The following MAP2K6 variants were observed in gnomAD, a reference collection of about 807,000 sequenced individuals.
MAP2K6 encodes the protein dual specificity mitogen-activated protein kinase kinase 6.
In MAP2K6, 16 loss-of-function variants were observed where a neutral mutation model predicts 53.7. That is an observed-to-expected ratio of 0.30 (90% CI 0.20 to 0.45). The LOEUF (loss-of-function observed/expected upper bound fraction) is 0.45. MAP2K6 is among the 20% of genes least tolerant of loss of function. The pLI, the probability that MAP2K6 is intolerant of heterozygous loss-of-function variation, is 1.00. For synonymous variants in MAP2K6, 132 were observed against 143.1 expected, an observed-to-expected ratio of 0.92 and a Z score of 0.55; for missense variants, 204 against 411.9, an observed-to-expected ratio of 0.50 and a Z score of 4.37.
At position 69,545,317 on chromosome 17, in the gene MAP2K6, G is replaced by A. The variant is rs1198680720; in HGVS notation, c.*3564G>A. The A allele has an allele frequency of 6.6e-6, 1 of 152,202 alleles. No individual in the cohort carries two copies. The highest frequency in any genetic ancestry group is 1.5e-5 in the Non-Finnish European group (1 of 68,048). The allele number at this position is 152,202 out of a possible 1,614,324, so 9.4% of individuals were successfully genotyped here. On this transcript the variant is annotated 3_prime_UTR_variant, in exon 12 of 12. Transcript: ENST00000590474. ...TCAGGTCATCACGGATTTTGCAAGT[G>A]AAAGTCACCTATCTTCTATGATTGA...
chr17:69,472,379 T>C (rs1598278583), intron 1 of MAP2K6, among the ~76,000 whole-genome samples: 1 of 152,336 alleles, frequency 6.6e-6, no homozygotes, highest in East Asian at 1.9e-4. Context: ...TCATTCAACA[T>C]TGTTTTATTA....
rs947071018 is a variant in MAP2K6, at chr17:69,545,687, T to C, written c.*3934T>C. ...TCCCAACAGCTTAATAATAGCAGTTTGCACAGTGTCCTGCATATATCACTA... is the reference window on the plus strand; with the variant it reads ...TCCCAACAGCTTAATAATAGCAGTTCGCACAGTGTCCTGCATATATCACTA... On this transcript the variant is annotated 3_prime_UTR_variant, in exon 12 of 12. Transcript: ENST00000590474. The C allele has an allele frequency of 1.3e-5, 2 of 152,190 alleles. No individual in the cohort carries two copies. The highest frequency in any genetic ancestry group is 4.8e-5 in the African/African-American group (2 of 41,440). 9.4% of individuals were successfully genotyped at this position (152,190 alleles called of 1,614,324 possible).
intron 9 of MAP2K6, among the ~76,000 whole-genome samples, chr17:69,526,208 T>G (rs1282423249): frequency 6.6e-6 from 1 of 152,228 alleles, no homozygotes; most frequent in Non-Finnish European, 1.5e-5. Flanking sequence ...TGGAAAGATC[T>G]TAGGCTGGGA....
intron 1 of MAP2K6, among the ~76,000 whole-genome samples, chr17:69,428,672 T>C (rs1191241145): frequency 2.0e-5 from 3 of 151,804 alleles, no homozygotes; most frequent in Non-Finnish European, 4.4e-5. Flanking sequence ...AAGATACGAG[T>C]AGGATACCAA....
intron 1 of MAP2K6, among the ~76,000 whole-genome samples, chr17:69,437,897 A>T (rs1020295743): frequency 1.3e-5 from 2 of 152,266 alleles, no homozygotes; most frequent in Admixed American, 1.3e-4. Flanking sequence ...TCCATGTTGT[A>T]GCATGTATCA....
chr17:69,465,645 G>A (rs1907772281), intron 1 of MAP2K6, among the ~76,000 whole-genome samples: 1 of 146,082 alleles, frequency 6.8e-6, no homozygotes, highest in Admixed American at 6.9e-5. Context: ...TTGAAACAAA[G>A]TTTCGCTCTT....
chr17:69,541,716 A>G lies in MAP2K6; in HGVS notation c.968A>G (p.Asp323Gly). 6.2e-7 allele frequency: 1 copy of G among 1,612,852 alleles called. No homozygotes were observed. The highest frequency in any genetic ancestry group is 1.7e-5 in the Admixed American group (1 of 59,982). ...ACCCTACATGAATCCAAAGGAACAG[A>G]TGTGGCATCTTTTGTAAAACTGATT... ...FFTLHESKGT[D>G]VASFVKLILG... Residue 323 changes from aspartate (D) to glycine (G), a missense_variant, in exon 12 of 12, where the codon GAT becomes GGT. By Grantham distance (94) the Asp-to-Gly change is moderately conservative. This residue lies in a region of MAP2K6 where 47 missense variants were observed against 62.3 expected (regional missense o/e 0.75). Transcript: ENST00000590474.
In MAP2K6 at chr17:69,549,425, T is replaced by G. The variant is rs1912005751; in HGVS notation, c.*7672T>G. The G allele has an allele frequency of 6.6e-6, 1 of 152,206 alleles. No individual in the cohort carries two copies. Among genetic ancestry groups the G allele is most frequent in the South Asian group, 2.1e-4 (1 of 4,834 alleles). 9.4% of individuals were successfully genotyped at this position (152,206 alleles called of 1,614,324 possible). On this transcript the variant is annotated 3_prime_UTR_variant, in exon 12 of 12. Coordinates refer to ENST00000590474, the MANE Select transcript of MAP2K6 (RefSeq NM_002758.4). ...TGGAGTTTGTAGCTTAGACCAGGCC[T>G]TCAAAAGTCTTTTCTGTTTTCCTTT...
At chr17:69,512,795 A>G (rs1195011029) in intron 2 of MAP2K6, among the ~76,000 whole-genome samples, 1 of 152,168 alleles carries the variant, frequency 6.6e-6, no homozygotes, top group Admixed American at 6.5e-5. Flanking sequence ...TTTTATGTAA[A>G]TGGTCTCACG....
chr17:69,419,110 A>C (rs563261934), intron 1 of MAP2K6, among the ~76,000 whole-genome samples: 1 of 152,316 alleles, frequency 6.6e-6, no homozygotes, highest in Non-Finnish European at 1.5e-5. Flanking sequence ...AGTACACATA[A>C]GGTTACCTAT....
intron 1 of MAP2K6, among the ~76,000 whole-genome samples, chr17:69,478,223 C>A (rs1435784275): frequency 6.6e-6 from 1 of 152,176 alleles, no homozygotes; most frequent in Non-Finnish European, 1.5e-5. Flanking sequence ...GACAACTTCT[C>A]CAAAGACTGG....
intron 1 of MAP2K6, among the ~76,000 whole-genome samples, chr17:69,472,271 T>TA (rs890409790): frequency 1.3e-5 from 2 of 150,930 alleles, no homozygotes; most frequent in Admixed American, 6.6e-5. Flanking sequence ...CCCCCGAATC[T>TA]AAAAAAAAAG....
chr17:69,486,228 G>A (rs1908531495), intron 1 of MAP2K6, among the ~76,000 whole-genome samples: 1 of 152,156 alleles, frequency 6.6e-6, no homozygotes, highest in Admixed American at 6.6e-5. Flanking sequence ...TGGCTACAGG[G>A]CTGGATGCAG....
At chr17:69,449,529 TTGTCTTTC>T (rs1414859852) in intron 1 of MAP2K6, among the ~76,000 whole-genome samples, 9 of 101,380 alleles carry the variant, frequency 8.9e-5, no homozygotes, top group South Asian at 6.2e-4. Context: ...CTTTCTTTCT[TTGTCTTTC>T]TTTCTTTCTT....
intron 11 of MAP2K6, among the ~76,000 whole-genome samples, chr17:69,536,725 G>T (rs1911379115): frequency 6.6e-6 from 1 of 152,198 alleles, no homozygotes; most frequent in Non-Finnish European, 1.5e-5. Flanking sequence ...TAAAAAGCAA[G>T]AGTGAAGAAA....
At chr17:69,514,023 G>T (rs1334724413) in intron 2 of MAP2K6, among the ~76,000 whole-genome samples, 1 of 151,712 alleles carries the variant, frequency 6.6e-6, no homozygotes, top group African/African-American at 2.4e-5. Context: ...CAGGAGAATT[G>T]CTTGAACCCG....
rs765475487 is a variant in MAP2K6 at position 69,520,378 on chromosome 17, G to T, written c.475G>T (p.Ala159Ser). ...TIPEDILGKI[A>S]VSIVKALEHL... ...TCCAGAGGACATCTTAGGGAAAATA[G>T]CAGTTTCTGTGAGTACATTTTGATC... is the stretch of plus-strand genomic sequence containing the variant. Residue 159 changes from alanine to serine, a missense_variant, in exon 6 of 12, where the codon GCA becomes TCA. Ala to Ser is a moderately conservative substitution (Grantham distance 99). Around this residue, in one of 3 missense-constraint regions of MAP2K6, gnomAD observed 129 missense variants for 247.1 expected, o/e 0.52. Coordinates refer to ENST00000590474, the MANE Select transcript of MAP2K6 (RefSeq NM_002758.4). 1.3e-6 allele frequency: 2 copies of T among 1,593,326 alleles called. No individual in the cohort carries two copies. Among genetic ancestry groups the T allele is most frequent in the Admixed American group, 1.7e-5 (1 of 57,912 alleles).
intron 11 of MAP2K6, among the ~76,000 whole-genome samples, chr17:69,540,591 G>A (rs1325243748): frequency 6.6e-6 from 1 of 152,216 alleles, no homozygotes; most frequent in Non-Finnish European, 1.5e-5. Context: ...TTCCTGCTCA[G>A]GATTGTTTTG....
At position 69,542,013 on chromosome 17, in the gene MAP2K6, A is replaced by C; in HGVS notation, c.*260A>C. On this transcript the variant is annotated 3_prime_UTR_variant, in exon 12 of 12. Coordinates refer to ENST00000590474, the MANE Select transcript of MAP2K6 (RefSeq NM_002758.4). ...GTGATTAAATATTTAATGATGTGTC[A>C]TATGAGTCCTCAAGCTTCTCAGACT... 4.6e-6 allele frequency: 1 copy of C among 219,088 alleles called. No individual in the cohort carries two copies. The highest frequency in any genetic ancestry group is 9.2e-6 in the Non-Finnish European group (1 of 109,234). 13.6% of individuals were successfully genotyped at this position (219,088 alleles called of 1,614,324 possible).
Sources: gnomAD v4.1 joint callset for allele counts (sites outside exome capture counted in the v4.1 genomes callset) on GRCh38, gnomAD v4.1.1 for gene constraint, gnomAD v4.1.1 regional missense constraint, MANE v1.5 for transcripts, NCBI Gene and HGNC (gene_info 2026-07-23, HGNC 2026-07-21) for gene names.